The following BABAM2 variants were observed in gnomAD, a reference collection of about 807,000 sequenced individuals.
BABAM2 encodes the protein BRISC and BRCA1-A complex member 2.
A neutral mutation model predicts 54.7 loss-of-function variants in BABAM2; 31 were observed. The observed-to-expected ratio is 0.57, with a 90% CI of 0.43 to 0.77. The LOEUF is 0.77. BABAM2 is among the 30% of genes least tolerant of loss of function. The probability of loss-of-function intolerance (pLI) is 0.00; values close to 1 mark genes in which losing one functional copy is unlikely to be tolerated. For missense variants in BABAM2, 364 were observed against 455.8 expected, an observed-to-expected ratio of 0.80 and a Z score of 1.83; for synonymous variants, 167 against 162.9, an observed-to-expected ratio of 1.03 and a Z score of -0.19.
intron 7 of BABAM2, chr2:28,233,368 T>C: frequency 2.3e-6 from 1 of 431,864 alleles, no homozygotes; most frequent in Non-Finnish European, 4.7e-6. Flanking sequence ...GAGTTTCCTG[T>C]TGTACATGCT....
At chr2:28,164,803 C>T (rs1673468221) in intron 7 of BABAM2, among the ~76,000 whole-genome samples, 1 of 152,054 alleles carries the variant, frequency 6.6e-6, no homozygotes, top group Non-Finnish European at 1.5e-5. Flanking sequence ...CTTTTTACCC[C>T]AAAGATAATC....
intron 6 of BABAM2, among the ~76,000 whole-genome samples, chr2:28,107,943 A>G (rs1195605802): frequency 6.6e-6 from 1 of 152,224 alleles, no homozygotes; most frequent in Non-Finnish European, 1.5e-5. Flanking sequence ...GAGAAAAGAA[A>G]AAGAATCAGC....
chr2:27,981,261 C>T (rs1671977379), intron 3 of BABAM2, among the ~76,000 whole-genome samples: 2 of 152,040 alleles, frequency 1.3e-5, no homozygotes, highest in African/African-American at 4.8e-5. Context: ...TGTGTCACAA[C>T]TATTCAGTAA....
At chr2:28,122,309 A>G (rs1045249550) in intron 6 of BABAM2, among the ~76,000 whole-genome samples, 1 of 152,162 alleles carries the variant, frequency 6.6e-6, no homozygotes, top group South Asian at 2.1e-4. Context: ...ATACCATTTT[A>G]AAATGGTGCT....
intron 6 of BABAM2, among the ~76,000 whole-genome samples, chr2:28,125,253 GT>G (rs1305666994): frequency 6.6e-6 from 1 of 151,886 alleles, no homozygotes; most frequent in Non-Finnish European, 1.5e-5. Flanking sequence ...AATGTGAATT[GT>G]TGCAAATATT....
chr2:28,298,277 A>G (rs1687851951), intron 10 of BABAM2, 61 bp from the exon 11 acceptor site: 3 of 1,559,318 alleles, frequency 1.9e-6, no homozygotes, highest in Admixed American at 2.0e-5. Flanking sequence ...TTTAGTCAAA[A>G]AAAAAAATCT....
intron 7 of BABAM2, among the ~76,000 whole-genome samples, chr2:28,160,022 C>T (rs75484187): frequency 0.086 from 13,021 of 152,178 alleles, 604 homozygotes; most frequent in East Asian, 0.14. Context: ...AATTCTGTCA[C>T]CCAGGCTAGA....
chr2:27,924,007 G>A (rs1667507332), intron 2 of BABAM2, among the ~76,000 whole-genome samples: 1 of 152,012 alleles, frequency 6.6e-6, no homozygotes, highest in African/African-American at 2.4e-5. Context: ...GTAATTAGAA[G>A]AATCTTGTAA....
chr2:28,142,391 A>T (rs979034279), intron 7 of BABAM2, among the ~76,000 whole-genome samples: 14 of 152,318 alleles, frequency 9.2e-5, no homozygotes, highest in African/African-American at 3.4e-4. Context: ...AATAGAGGTC[A>T]TTTTTGAAAA....
At chr2:28,000,365 T>C (rs971683766) in intron 4 of BABAM2, among the ~76,000 whole-genome samples, 1 of 152,168 alleles carries the variant, frequency 6.6e-6, no homozygotes, top group Non-Finnish European at 1.5e-5. Context: ...AGTTGGGATT[T>C]GTCTGATTTT....
intron 7 of BABAM2, among the ~76,000 whole-genome samples, chr2:28,197,022 T>C (rs2147940511): frequency 6.6e-6 from 1 of 151,744 alleles, no homozygotes; most frequent in East Asian, 1.9e-4. Flanking sequence ...TTTTTTGGTA[T>C]TTTTTATAGA....
chr2:28,184,234 C>T (rs1573779456), intron 7 of BABAM2, among the ~76,000 whole-genome samples: 1 of 149,774 alleles, frequency 6.7e-6, no homozygotes, highest in South Asian at 2.1e-4. Flanking sequence ...GTCTCTGTCT[C>T]TGTGTCTCTC....
chr2:28,164,050 C>T (rs894136403), intron 7 of BABAM2, among the ~76,000 whole-genome samples: 1 of 152,186 alleles, frequency 6.6e-6, no homozygotes, highest in Non-Finnish European at 1.5e-5. Flanking sequence ...GCACATCTGG[C>T]ACAAGAAAAC....
intron 7 of BABAM2, among the ~76,000 whole-genome samples, chr2:28,180,635 AG>A (rs1219658539): frequency 6.6e-6 from 1 of 152,212 alleles, no homozygotes; most frequent in Non-Finnish European, 1.5e-5. Context: ...TAAATAAAAA[AG>A]CTTCTGCACA....
chr2:28,076,517 A>G (rs1333849913), intron 6 of BABAM2, among the ~76,000 whole-genome samples: 4 of 149,134 alleles, frequency 2.7e-5, no homozygotes, highest in South Asian at 2.2e-4. Context: ...TATTTTTGAG[A>G]CAGAGTCTTG....
In BABAM2 at chr2:28,196,321, C is replaced by CGTCTCAAAA. The variant is rs1360883175; in HGVS notation, c.681-40881_681-40880insGTCTCAAAA. 1.3e-3 allele frequency among the ~76,000 whole-genome samples: 144 copies of CGTCTCAAAA among 107,680 alleles called. 19 individuals carry two copies. The highest frequency in any genetic ancestry group is 2.2e-3 in the Non-Finnish European group (91 of 40,930). The allele number at this position is 107,680 out of a possible 152,430, so 70.6% of individuals were successfully genotyped here. A position where few individuals can be genotyped will look rare whatever the true frequency, so the allele number is the denominator to read the frequency against. On this transcript the variant is annotated intron_variant, in intron 7 of 11. Transcript: ENST00000379624. ...CAGCCTGGGCAACAGAGCAAGACTC[C>CGTCTCAAAA]ATATAAAAAAAAAATGAATTTTTTA...
intron 7 of BABAM2, among the ~76,000 whole-genome samples, chr2:28,196,657 A>T (rs1395193680): frequency 6.6e-6 from 1 of 151,990 alleles, no homozygotes; most frequent in Non-Finnish European, 1.5e-5. Flanking sequence ...AGCCTTGGCA[A>T]CATAGCAAGA....
intron 10 of BABAM2, among the ~76,000 whole-genome samples, chr2:28,280,931 G>A (rs1558497011): frequency 6.6e-6 from 1 of 152,200 alleles, no homozygotes; most frequent in Non-Finnish European, 1.5e-5. Context: ...CAGGCTGAAT[G>A]AGAAGGGGTT....
intron 7 of BABAM2, among the ~76,000 whole-genome samples, chr2:28,207,685 A>G (rs1044424343): frequency 2.0e-5 from 3 of 151,982 alleles, no homozygotes; most frequent in Non-Finnish European, 4.4e-5. Context: ...GGGAAAAAAA[A>G]TAAGGCTAAA....
Sources: gnomAD v4.1 joint callset for allele counts (sites outside exome capture counted in the v4.1 genomes callset) on GRCh38, gnomAD v4.1.1 for gene constraint, MANE v1.5 for transcripts, NCBI Gene and HGNC (gene_info 2026-07-23, HGNC 2026-07-21) for gene names.